The following SETD2 variants were observed in gnomAD, a reference collection of about 807,000 sequenced individuals.
SETD2 encodes the protein histone-lysine N-methyltransferase SETD2.
SETD2 carries 31 observed loss-of-function variants against 242.1 expected under a neutral mutation model. The observed-to-expected ratio is 0.13, with a 90% CI of 0.10 to 0.17. SETD2 has a LOEUF of 0.17. SETD2 is among the 10% of genes least tolerant of loss of function. The pLI is 1.00. For missense variants in SETD2, 2,481 were observed against 3,046.3 expected, an observed-to-expected ratio of 0.81 and a Z score of 4.37; for synonymous variants, 1,006 against 1,066.5, an observed-to-expected ratio of 0.94 and a Z score of 1.11.
chr3:47,154,768 C>T (rs1351838983), intron 1 of SETD2, among the ~76,000 whole-genome samples: 10 of 152,038 alleles, frequency 6.6e-5, no homozygotes, highest in Admixed American at 6.6e-4. Context: ...CTGAGACGGA[C>T]GGATCACAAG....
chr3:47,136,626 G>A (rs981490429), intron 1 of SETD2, among the ~76,000 whole-genome samples: 27 of 152,086 alleles, frequency 1.8e-4, no homozygotes, highest in African/African-American at 6.5e-4. Flanking sequence ...ATTAACACTT[G>A]GGGCTCCAAA....
rs1243252406 is a variant in SETD2 at position 47,123,435 on chromosome 3, G to A, written c.1201C>T (p.Arg401Trp). The change falls in exon 3 of 21, where the codon CGG (arginine) becomes TGG (tryptophan). Residue 401 changes from arginine (R) to tryptophan (W), a missense_variant. Arg to Trp is a moderately radical substitution (Grantham distance 101, BLOSUM62 -3). Coordinates refer to ENST00000409792, the MANE Select transcript of SETD2 (RefSeq NM_014159.7). Reference protein sequence around the residue: ...SSRCRSERERRRSRSHSRSER... With the variant: ...SSRCRSERERWRSRSHSRSER... ...GACCTAGAGTGAGATCTGCTCCGCC[G>A]TCGCTCTCTTTCTGATCTACATCGG... 4.5e-6 allele frequency: 7 copies of A among 1,551,536 alleles called. No homozygotes were observed. The highest frequency in any genetic ancestry group is 4.9e-5 in the East Asian group (2 of 40,924).
intron 18 of SETD2, among the ~76,000 whole-genome samples, chr3:47,020,785 A>G (rs1026597463): frequency 6.6e-6 from 1 of 152,168 alleles, no homozygotes; most frequent in African/African-American, 2.4e-5. Flanking sequence ...GGCACAGGGT[A>G]GAATAATTTT....
intron 10 of SETD2, among the ~76,000 whole-genome samples, chr3:47,087,008 TC>T (rs2041588317): frequency 6.6e-6 from 1 of 151,174 alleles, no homozygotes; most frequent in African/African-American, 2.4e-5. Flanking sequence ...ACAACTGCGT[TC>T]CAGCCTGGGC....
intron 1 of SETD2, among the ~76,000 whole-genome samples, chr3:47,137,287 G>A (rs2043609715): frequency 6.6e-6 from 1 of 151,912 alleles, no homozygotes; most frequent in African/African-American, 2.4e-5. Context: ...CCACTTCCTG[G>A]GTTCAAGCGA....
intron 10 of SETD2, among the ~76,000 whole-genome samples, chr3:47,087,792 C>A (rs1326629483): frequency 1.3e-5 from 2 of 151,988 alleles, no homozygotes; most frequent in Non-Finnish European, 2.9e-5. Flanking sequence ...CATGGTGAAA[C>A]CCCATCTCTA....
intron 17 of SETD2, among the ~76,000 whole-genome samples, chr3:47,040,700 A>G (rs1242159952): frequency 1.3e-5 from 2 of 149,322 alleles, no homozygotes; most frequent in Non-Finnish European, 3.0e-5. Context: ...CAGCCTCCCA[A>G]CTAGTTGTGA....
chr3:47,124,678 G>A, intron 2 of SETD2, 130 bp from the exon 3 acceptor site: 1 of 760,252 alleles, frequency 1.3e-6, no homozygotes, highest in Non-Finnish European at 2.0e-6. Context: ...ATTTCACTAA[G>A]CTATATATAT....
chr3:47,048,858 G>A (rs1002548172), intron 15 of SETD2, among the ~76,000 whole-genome samples: 6 of 151,836 alleles, frequency 4.0e-5, no homozygotes, highest in Non-Finnish European at 8.8e-5. Context: ...AGCAGAGACG[G>A]GGTTTCACCA....
At chr3:47,079,545 A>G (rs1315189757) in intron 12 of SETD2, among the ~76,000 whole-genome samples, 2 of 152,214 alleles carry the variant, frequency 1.3e-5, no homozygotes, top group African/African-American at 4.8e-5. Flanking sequence ...CTTCATTCAA[A>G]ACCAGAATGT....
At chr3:47,027,677 G>A (rs981128785) in intron 18 of SETD2, among the ~76,000 whole-genome samples, 1 of 152,086 alleles carries the variant, frequency 6.6e-6, no homozygotes, top group Non-Finnish European at 1.5e-5. Flanking sequence ...TATGGTAATG[G>A]CTGCATAATT....
At chr3:47,054,541 C>A (rs1331216635) in intron 15 of SETD2, among the ~76,000 whole-genome samples, 1 of 151,876 alleles carries the variant, frequency 6.6e-6, no homozygotes, top group African/African-American at 2.4e-5. Flanking sequence ...TGGCTCATAC[C>A]CAAGTCAAAC....
At chr3:47,113,007 A>G (rs1329729842) in intron 5 of SETD2, among the ~76,000 whole-genome samples, 1 of 152,240 alleles carries the variant, frequency 6.6e-6, no homozygotes, top group African/African-American at 2.4e-5. Flanking sequence ...CATCAGTTAC[A>G]TGGAAAGCAA....
chr3:47,152,270 C>T (rs960757329), intron 1 of SETD2, among the ~76,000 whole-genome samples: 12 of 152,272 alleles, frequency 7.9e-5, no homozygotes, highest in African/African-American at 2.6e-4. Flanking sequence ...TTCTTAACTA[C>T]ATTTTCAGCA....
chr3:47,135,316 C>T, intron 1 of SETD2, among the ~76,000 whole-genome samples: 1 of 152,206 alleles, frequency 6.6e-6, no homozygotes, highest in Non-Finnish European at 1.5e-5. Flanking sequence ...CTGGCTGTCA[C>T]CCAGGCTGGA....
At chr3:47,046,402 C>A in intron 16 of SETD2, 85 bp downstream of exon 16, 4 of 1,236,052 alleles carry the variant, frequency 3.2e-6, no homozygotes, top group South Asian at 4.6e-5. Context: ...AAAAATAAAA[C>A]CCAAAACAAA....
rs759274882 is a variant in SETD2 at position 47,101,519 on chromosome 3, TA to T, written c.4953del (p.Phe1651LeufsTer12). On this transcript the variant is annotated frameshift_variant, in exon 8 of 21. Coordinates refer to ENST00000409792, the MANE Select transcript of SETD2 (RefSeq NM_014159.7). LOFTEE classifies it high-confidence loss of function. ...TVNGQLRVGF[F>X]TTKLVPSGSE... ...GAGCCTGAAGGAACCAGTTTGGTGG[TA>T]AAAAACCCAACCCTCAGTTGTCCGT... is the stretch of plus-strand genomic sequence containing the variant. 1 of 1,613,552 alleles carries T rather than the reference TA, an allele frequency of 6.2e-7. No individual in the cohort carries two copies.
chr3:47,143,744 G>A (rs1481254723), intron 1 of SETD2, among the ~76,000 whole-genome samples: 1 of 151,428 alleles, frequency 6.6e-6, no homozygotes, highest in Non-Finnish European at 1.5e-5. Context: ...ACGGAGTCTC[G>A]CTGTCGCCCA....
chr3:47,122,468 T>C lies in SETD2; in HGVS notation c.2168A>G (p.Asn723Ser). 1 of 1,614,160 alleles carries C rather than the reference T, an allele frequency of 6.2e-7. No individual in the cohort carries two copies. The highest frequency in any genetic ancestry group is 8.5e-7 in the Non-Finnish European group (1 of 1,180,018). The change falls in exon 3 of 21, where the codon AAT becomes AGT. Residue 723 changes from asparagine (N) to serine (S), a missense_variant. This residue lies in a region of SETD2 where 1,300 missense variants were observed against 1,259.2 expected (regional missense o/e 1.03). Coordinates refer to ENST00000409792, the MANE Select transcript of SETD2 (RefSeq NM_014159.7). ...GTCTTTTTCTTTGCACCTACTAATA[T>C]TCTGAAATCCATTTGATGAAAGCAT... ...ACMLSSNGFQ[N>S]ISRCKEKDLD...
Sources: gnomAD v4.1 joint callset for allele counts (sites outside exome capture counted in the v4.1 genomes callset) on GRCh38, gnomAD v4.1.1 for gene constraint, gnomAD v4.1.1 regional missense constraint, MANE v1.5 for transcripts, NCBI Gene and HGNC (gene_info 2026-07-23, HGNC 2026-07-21) for gene names.